Variants in TFDP2 observed in about 807,000 individuals in gnomAD.
TFDP2 encodes the protein transcription factor Dp-2, also known as transcription factor Dp-2 (E2F dimerization partner 2).
In TFDP2, 17 loss-of-function variants were observed where a neutral mutation model predicts 59.3. That is an observed-to-expected ratio of 0.29 (90% CI 0.20 to 0.43). The LOEUF (loss-of-function observed/expected upper bound fraction) is 0.43, where lower values mean the gene tolerates loss of function less well. TFDP2 is among the 20% of genes least tolerant of loss of function. The pLI, the probability that TFDP2 is intolerant of heterozygous loss-of-function variation, is 1.00. For missense variants in TFDP2, 391 were observed against 528.8 expected (o/e 0.74, Z 2.56); for synonymous variants, 180 against 194.7 (o/e 0.92, Z 0.63).
At chr3:142,040,034 C>A (rs1946882600) in intron 3 of TFDP2, among the ~76,000 whole-genome samples, 1 of 152,108 alleles carries the variant, frequency 6.6e-6, no homozygotes, top group African/African-American at 2.4e-5. Flanking sequence ...ACACAAAATA[C>A]CATCTACCTC....
At chr3:141,975,715 T>G (rs1227275118) in intron 7 of TFDP2, among the ~76,000 whole-genome samples, 2 of 138,730 alleles carry the variant, frequency 1.4e-5, no homozygotes, top group African/African-American at 2.8e-5. Flanking sequence ...AAAAAAGAAA[T>G]CTTGACCCTG....
At position 141,976,513 on chromosome 3, in the gene TFDP2, T is replaced by C. The variant is rs187296164; in HGVS notation, c.519+2007A>G. 3.0e-3 allele frequency among the ~76,000 whole-genome samples: 459 copies of C among 152,314 alleles called. 2 individuals are homozygous for C. The highest frequency in any genetic ancestry group is 4.2e-3 in the Non-Finnish European group (288 of 68,026). On this transcript the variant is annotated intron_variant, in intron 7 of 12. Transcript: ENST00000489671. Reference sequence around the variant, plus strand: ...AAAAGTGCTAAGAAGAAATGCTTCATTGTGGTGACAGGTGAGTGAAGATCA... The same window carrying C: ...AAAAGTGCTAAGAAGAAATGCTTCACTGTGGTGACAGGTGAGTGAAGATCA...
At chr3:141,974,299 C>A in intron 7 of TFDP2, 108 bp from the exon 8 acceptor site, 1 of 998,818 alleles carries the variant, frequency 1.0e-6, no homozygotes, top group Non-Finnish European at 1.3e-6. Flanking sequence ...TGGAAGGATT[C>A]TATTTTTTTA....
chr3:141,982,616 T>C (rs1227660355), intron 6 of TFDP2, among the ~76,000 whole-genome samples: 1 of 152,142 alleles, frequency 6.6e-6, no homozygotes, highest in Non-Finnish European at 1.5e-5. Context: ...GATAGGGTGG[T>C]TTCGGGCAAT....
At chr3:142,135,102 T>C (rs184413864) in intron 1 of TFDP2, among the ~76,000 whole-genome samples, 1 of 152,204 alleles carries the variant, frequency 6.6e-6, no homozygotes, top group Admixed American at 6.5e-5. Flanking sequence ...CAGTTTTTGT[T>C]TTGTTTTGAA....
intron 3 of TFDP2, among the ~76,000 whole-genome samples, chr3:142,013,966 T>C (rs192419694): frequency 8.5e-5 from 13 of 152,300 alleles, no homozygotes; most frequent in African/African-American, 3.1e-4. Flanking sequence ...AGGAAAAACC[T>C]TCTTCACCCA....
At chr3:141,965,624 A>AAAAAG (rs996908746) in intron 9 of TFDP2, among the ~76,000 whole-genome samples, 10 of 151,512 alleles carry the variant, frequency 6.6e-5, no homozygotes, top group African/African-American at 9.8e-5. Flanking sequence ...AAGGAAAGGA[A>AAAAAG]AAAAGAAAAG....
rs1576412819 is a variant in TFDP2, at chr3:141,945,133, A to G, written c.*7380T>C. 6.6e-6 allele frequency: 1 copy of G among 151,514 alleles called. No individual in the cohort carries two copies. Among genetic ancestry groups the G allele is most frequent in the Non-Finnish European group, 1.5e-5 (1 of 68,070 alleles). 9.4% of individuals were successfully genotyped at this position (151,514 alleles called of 1,614,324 possible). A position where few individuals can be genotyped will look rare whatever the true frequency, so the allele number is the denominator to read the frequency against. ...GGTTTGGGCTCATGGCCCTTTACCC[A>G]CCTTTTTTTTTTGAGATGGAATTTC... On this transcript the variant is annotated 3_prime_UTR_variant, in exon 13 of 13. Coordinates refer to ENST00000489671, the MANE Select transcript of TFDP2 (RefSeq NM_001178139.2).
At position 141,952,224 on chromosome 3, in the gene TFDP2, G is replaced by C. The variant is rs1936008025; in HGVS notation, c.*289C>G. ...CCACCTCACAGAAGATAAATGAGTT[G>C]CACTCACACTGCCAACTCTTCAGGG... On this transcript the variant is annotated 3_prime_UTR_variant, in exon 13 of 13. Coordinates refer to ENST00000489671, the MANE Select transcript of TFDP2 (RefSeq NM_001178139.2). 3.8e-6 allele frequency: 1 copy of C among 261,920 alleles called. No homozygotes were observed. Among genetic ancestry groups the C allele is most frequent in the Non-Finnish European group, 7.0e-6 (1 of 141,926 alleles). 16.2% of individuals were successfully genotyped at this position (261,920 alleles called of 1,614,324 possible). A position where few individuals can be genotyped will look rare whatever the true frequency, so the allele number is the denominator to read the frequency against.
chr3:142,071,307 C>T (rs756703715), intron 3 of TFDP2, among the ~76,000 whole-genome samples: 2 of 152,056 alleles, frequency 1.3e-5, no homozygotes, highest in African/African-American at 4.8e-5. Flanking sequence ...CAGGCGCACA[C>T]CACCGCACCG....
At chr3:142,077,728 C>T (rs183806095) in intron 3 of TFDP2, among the ~76,000 whole-genome samples, 1 of 152,264 alleles carries the variant, frequency 6.6e-6, no homozygotes, top group East Asian at 1.9e-4. Flanking sequence ...GACATGCTGG[C>T]TTCACGTATG....
At chr3:141,987,461 T>C (rs558543312) in intron 6 of TFDP2, among the ~76,000 whole-genome samples, 42 of 151,808 alleles carry the variant, frequency 2.8e-4, no homozygotes, top group African/African-American at 9.4e-4. Flanking sequence ...TTTTGTATTT[T>C]TAGTAGAGAC....
At chr3:142,051,354 T>C (rs1339848105) in intron 3 of TFDP2, among the ~76,000 whole-genome samples, 1 of 152,002 alleles carries the variant, frequency 6.6e-6, no homozygotes, top group East Asian at 1.9e-4. Flanking sequence ...GCCTGGCCAA[T>C]GTGGTGAAAC....
intron 3 of TFDP2, among the ~76,000 whole-genome samples, chr3:142,061,797 C>G (rs1413145275): frequency 6.6e-6 from 1 of 151,538 alleles, no homozygotes; most frequent in Admixed American, 6.6e-5. Context: ...TCCTGGTTCT[C>G]CAGGTTGCAG....
chr3:142,023,996 T>C (rs1945874212), intron 3 of TFDP2, among the ~76,000 whole-genome samples: 2 of 152,098 alleles, frequency 1.3e-5, no homozygotes, highest in African/African-American at 2.4e-5. Flanking sequence ...AGACAGGATT[T>C]TGCCATGTGC....
rs1329930800 is a variant in TFDP2, at chr3:141,951,480, A to G, written c.*1033T>C. 3 of 152,674 alleles carry G rather than the reference A, an allele frequency of 2.0e-5. No homozygotes were observed. Among genetic ancestry groups the G allele is most frequent in the Non-Finnish European group, 4.4e-5 (3 of 68,050 alleles). The allele number at this position is 152,674 out of a possible 1,614,324, so 9.5% of individuals were successfully genotyped here. A position where few individuals can be genotyped will look rare whatever the true frequency, so the allele number is the denominator to read the frequency against. On this transcript the variant is annotated 3_prime_UTR_variant, in exon 13 of 13. Coordinates refer to ENST00000489671, the MANE Select transcript of TFDP2 (RefSeq NM_001178139.2). ...CATTCTGATTAATGAAAATGTGAAAAAAGGTGACATGTACAAGGAAACACT... is the reference window on the plus strand; with the variant it reads ...CATTCTGATTAATGAAAATGTGAAAGAAGGTGACATGTACAAGGAAACACT...
At chr3:141,958,606 A>G (rs554930820) in intron 11 of TFDP2, among the ~76,000 whole-genome samples, 1 of 152,306 alleles carries the variant, frequency 6.6e-6, no homozygotes, top group Non-Finnish European at 1.5e-5. Flanking sequence ...TGCTTTCCTC[A>G]GCTGGGTGCT....
rs994712991 is a variant in TFDP2, at chr3:142,127,326, G to A, written c.-93+21857C>T. On this transcript the variant is annotated intron_variant, in intron 1 of 12. Coordinates refer to ENST00000489671, the MANE Select transcript of TFDP2 (RefSeq NM_001178139.2). ...CGCTTTTTTTTTTTTTTTTTTTTTT[G>A]AGACAGAGTCTCGCTGTGTTGCCAG... Among the ~76,000 whole-genome samples, 212 of 23,476 alleles carry A rather than the reference G, an allele frequency of 9.0e-3. 3 individuals are homozygous for A. Among genetic ancestry groups the A allele is most frequent in the African/African-American group, 0.03 (200 of 6,660 alleles). 15.4% of individuals were successfully genotyped at this position (23,476 alleles called of 152,430 possible).
chr3:142,005,345 A>G, intron 4 of TFDP2, 96 bp downstream of exon 4: 1 of 1,068,692 alleles, frequency 9.4e-7, no homozygotes, highest in Non-Finnish European at 1.4e-6. Context: ...GCCTGGTTTA[A>G]CTGGAATATC....
Sources: gnomAD v4.1 joint callset for allele counts (sites outside exome capture counted in the v4.1 genomes callset) on GRCh38, gnomAD v4.1.1 for gene constraint, MANE v1.5 for transcripts, NCBI Gene and HGNC (gene_info 2026-07-23, HGNC 2026-07-21) for gene names.